Variants in FBLN1 observed in about 807,000 individuals in gnomAD.
FBLN1 encodes the protein fibulin-1.
A neutral mutation model predicts 89.7 loss-of-function variants in FBLN1; 34 were observed. That is an observed-to-expected ratio of 0.38 (90% CI 0.29 to 0.50). FBLN1 has a LOEUF of 0.50. Ranked by LOEUF, FBLN1 falls within the 20% of genes least tolerant of loss-of-function variation. The pLI is 0.92. For missense variants in FBLN1, 777 were observed against 988.1 expected, an observed-to-expected ratio of 0.79 and a Z score of 2.86; for synonymous variants, 393 against 391.3, an observed-to-expected ratio of 1.00 and a Z score of -0.05.
rs1363183558 is a variant in FBLN1 at position 45,536,585 on chromosome 22, T to C, written c.922+1248T>C. On this transcript the variant is annotated intron_variant, in intron 8 of 16. Coordinates refer to ENST00000327858, the MANE Select transcript of FBLN1 (RefSeq NM_006486.3). The surrounding 1 kb of genome is among the most constrained non-coding windows in gnomAD (Gnocchi z 5.1). ...TTTGAGACCAGCCTGACCAATATAG[T>C]GAAACCCCATCTCTACTAAAAATAC... Among the ~76,000 whole-genome samples the C allele has an allele frequency of 6.6e-6, 1 of 151,938 alleles. No individual in the cohort carries two copies. The highest frequency in any genetic ancestry group is 1.5e-5 in the Non-Finnish European group (1 of 67,986).
At position 45,600,075 on chromosome 22, in the gene FBLN1, C is replaced by G. The variant is rs78541932; in HGVS notation, c.1973-232C>G. On this transcript the variant is annotated intron_variant, in intron 16 of 16. Coordinates refer to ENST00000327858, the MANE Select transcript of FBLN1 (RefSeq NM_006486.3). ...GGCAGTGCATGATGGAAAGGCTGTC[C>G]CAGCAAGTAGTGAGTTCACTTTCAC... Among the ~76,000 whole-genome samples the G allele has an allele frequency of 8.2e-3, 1,245 of 152,320 alleles. 13 individuals are homozygous for G. Among genetic ancestry groups the G allele is most frequent in the Non-Finnish European group, 0.013 (890 of 68,022 alleles).
At chr22:45,540,665 A>G (rs2088543803) in intron 8 of FBLN1, among the ~76,000 whole-genome samples, 1 of 152,162 alleles carries the variant, frequency 6.6e-6, no homozygotes, top group Non-Finnish European at 1.5e-5. Flanking sequence ...GCCCTCCTGG[A>G]CCATTCATGG....
At position 45,532,925 on chromosome 22, in the gene FBLN1, T is replaced by G. The variant is rs2088428519; in HGVS notation, c.545-138T>G. ...GGGGGTCTCCCAGTAGGGCAGCAGG[T>G]GGGCTCCAGCCAGGTCAGCCTGCCT... On this transcript the variant is annotated intron_variant, in intron 5 of 16. Coordinates refer to ENST00000327858, the MANE Select transcript of FBLN1 (RefSeq NM_006486.3). This position sits in a 1 kb window ranked among gnomAD's most constrained non-coding sequence, Gnocchi z 4.2. 2 of 737,460 alleles carry G rather than the reference T, an allele frequency of 2.7e-6. No homozygotes were observed. The highest frequency in any genetic ancestry group is 4.1e-5 in the Admixed American group (2 of 48,880). 45.7% of individuals were successfully genotyped at this position (737,460 alleles called of 1,614,324 possible). A position where few individuals can be genotyped will look rare whatever the true frequency, so the allele number is the denominator to read the frequency against.
intron 3 of FBLN1, among the ~76,000 whole-genome samples, chr22:45,527,006 C>G (rs1457532868): frequency 6.6e-6 from 1 of 152,156 alleles, no homozygotes; most frequent in Admixed American, 6.5e-5. Context: ...AAGGATTACT[C>G]ACACCCCAAA....
chr22:45,575,616 C>G lies in FBLN1; in HGVS notation c.1840+963C>G, dbSNP rs1367102249. Reference sequence around the variant, plus strand: ...GGGGCCAGACGGGGAGCAGGAAGCTCAGGTGTAACCCAGTCAGTGCTCCCA... The same window carrying G: ...GGGGCCAGACGGGGAGCAGGAAGCTGAGGTGTAACCCAGTCAGTGCTCCCA... On this transcript the variant is annotated intron_variant, in intron 15 of 16. Transcript: ENST00000327858. This position sits in a 1 kb window ranked among gnomAD's most constrained non-coding sequence, Gnocchi z 6.3. Among the ~76,000 whole-genome samples the G allele has an allele frequency of 6.6e-6, 1 of 152,122 alleles. No individual in the cohort carries two copies. The highest frequency in any genetic ancestry group is 1.5e-5 in the Non-Finnish European group (1 of 68,016).
intron 1 of FBLN1, among the ~76,000 whole-genome samples, chr22:45,511,755 C>T (rs184233940): frequency 3.9e-5 from 6 of 152,188 alleles, no homozygotes; most frequent in Admixed American, 3.9e-4. Context: ...GGCCTCTTCC[C>T]CCATTTTTAC....
intron 1 of FBLN1, among the ~76,000 whole-genome samples, chr22:45,507,793 G>T (rs2088042881): frequency 6.6e-6 from 1 of 152,162 alleles, no homozygotes; most frequent in African/African-American, 2.4e-5. Context: ...CTCCCAAAGT[G>T]TTGGGATTAC....
At chr22:45,507,167 C>T (rs1449901139) in intron 1 of FBLN1, among the ~76,000 whole-genome samples, 1 of 152,072 alleles carries the variant, frequency 6.6e-6, no homozygotes, top group Non-Finnish European at 1.5e-5. Context: ...TGGGGCTGGG[C>T]CTAGAGCTGG....
chr22:45,548,477 G>C (rs2088659449), intron 12 of FBLN1, 136 bp from the exon 13 acceptor site: 1 of 1,195,984 alleles, frequency 8.4e-7, no homozygotes, highest in Non-Finnish European at 1.2e-6. Context: ...GATGGTCTCT[G>C]AGGCTTCCTG....
intron 10 of FBLN1, among the ~76,000 whole-genome samples, chr22:45,542,582 C>T (rs1202744386): frequency 6.6e-6 from 1 of 152,212 alleles, no homozygotes; most frequent in Non-Finnish European, 1.5e-5. Flanking sequence ...CACATGTGGG[C>T]AGCATCAGCG....
intron 4 of FBLN1, among the ~76,000 whole-genome samples, chr22:45,528,295 G>T (rs1372405495): frequency 6.6e-6 from 1 of 152,134 alleles, no homozygotes; most frequent in Non-Finnish European, 1.5e-5. Context: ...CCCACCCATG[G>T]TATGAAGATG....
chr22:45,576,326 T>C lies in FBLN1; in HGVS notation c.1841-651T>C, dbSNP rs1405125127. On this transcript the variant is annotated intron_variant, in intron 15 of 16. Transcript: ENST00000327858. The surrounding 1 kb of genome is among the most constrained non-coding windows in gnomAD (Gnocchi z 5.2). Reference sequence around the variant, plus strand: ...GGTTATCGCAGGGAGCCGAGTGCCGTTGGGACACCTGTTAGCATCTTGGGC... The same window carrying C: ...GGTTATCGCAGGGAGCCGAGTGCCGCTGGGACACCTGTTAGCATCTTGGGC... 2.6e-5 allele frequency among the ~76,000 whole-genome samples: 4 copies of C among 152,116 alleles called. No individual in the cohort carries two copies. The highest frequency in any genetic ancestry group is 2.1e-4 in the South Asian group (1 of 4,824).
chr22:45,503,159 C>A (rs1602152144), intron 1 of FBLN1, 95 bp downstream of exon 1: 1 of 888,538 alleles, frequency 1.1e-6, no homozygotes, highest in Non-Finnish European at 1.4e-6. Flanking sequence ...GACTCGGAGT[C>A]CGTGCGTTGC....
At chr22:45,596,093 T>A (rs2089183246) in intron 16 of FBLN1, among the ~76,000 whole-genome samples, 1 of 152,178 alleles carries the variant, frequency 6.6e-6, no homozygotes, top group Admixed American at 6.5e-5. Context: ...ATGGTCTTGA[T>A]CTCCTGACCT....
rs111659206 is a variant in FBLN1 at position 45,549,918 on chromosome 22, C to G, written c.1574-574C>G. Among the ~76,000 whole-genome samples the G allele has an allele frequency of 6.6e-6, 1 of 152,174 alleles. No individual in the cohort carries two copies. Among genetic ancestry groups the G allele is most frequent in the Non-Finnish European group, 1.5e-5 (1 of 68,036 alleles). ...CACACAGGCAAGACGTATGATCCCT[C>G]GAAGGCTGTTTTTCTCATTGTTGTG... On this transcript the variant is annotated intron_variant, in intron 13 of 16. Coordinates refer to ENST00000327858, the MANE Select transcript of FBLN1 (RefSeq NM_006486.3). This position sits in a 1 kb window ranked among gnomAD's most constrained non-coding sequence, Gnocchi z 5.7.
intron 14 of FBLN1, among the ~76,000 whole-genome samples, chr22:45,553,015 G>T (rs1392492760): frequency 6.6e-6 from 1 of 152,236 alleles, no homozygotes; most frequent in Admixed American, 6.5e-5. Context: ...CGAGTGAACA[G>T]CTGTGGGCCT....
Position 45,563,014 on chromosome 22 carries a change from C to T in FBLN1, c.1698-11497C>T, listed in dbSNP as rs761425321. The T allele has an allele frequency of 4.8e-5, 77 of 1,613,450 alleles. No individual in the cohort carries two copies. Among genetic ancestry groups the T allele is most frequent in the South Asian group, 1.6e-4 (15 of 91,080 alleles). On this transcript the variant is annotated intron_variant, in intron 14 of 16. Transcript: ENST00000327858. This position sits in a 1 kb window ranked among gnomAD's most constrained non-coding sequence, Gnocchi z 5.7. ...CTTTCCCCACCAACATCCAAGCGCC[C>T]GCGGTGGTTTTCCGCATGGGCCCCT...
At chr22:45,505,564 C>T (rs1017905855) in intron 1 of FBLN1, among the ~76,000 whole-genome samples, 5 of 152,158 alleles carry the variant, frequency 3.3e-5, no homozygotes, top group African/African-American at 4.8e-5. Flanking sequence ...GGAGTAGGGG[C>T]ACGCGGCTGA....
chr22:45,540,589 A>G (rs2146979000), intron 8 of FBLN1, among the ~76,000 whole-genome samples: 2 of 152,340 alleles, frequency 1.3e-5, no homozygotes, highest in Middle Eastern at 6.8e-3. Context: ...TCCCTCTATC[A>G]GGAAGTGCAA....
Sources: gnomAD v4.1 joint callset for allele counts (sites outside exome capture counted in the v4.1 genomes callset) on GRCh38, gnomAD v4.1.1 for gene constraint, Gnocchi (gnomAD v3.1) non-coding constraint, MANE v1.5 for transcripts, NCBI Gene and HGNC (gene_info 2026-07-23, HGNC 2026-07-21) for gene names.